The following CEP164 variants were observed in gnomAD, a reference collection of about 807,000 sequenced individuals.
CEP164 encodes centrosomal protein of 164 kDa.
A neutral mutation model predicts 182.7 loss-of-function variants in CEP164; 162 were observed. The ratio of observed to expected loss-of-function variants is 0.89; its 90% confidence interval spans 0.78 to 1.01. CEP164 has a LOEUF of 1.01. CEP164 is among the 50% of genes least tolerant of loss of function. CEP164 has a pLI of 0.00. For synonymous variants in CEP164, 661 were observed against 690.0 expected, an observed-to-expected ratio of 0.96 and a Z score of 0.66; for missense variants, 1,735 against 1,790.4, an observed-to-expected ratio of 0.97 and a Z score of 0.56.
At position 117,370,972 on chromosome 11, in the gene CEP164, C is replaced by T. The variant is rs1592218313; in HGVS notation, c.766-108C>T. The T allele has an allele frequency of 1.6e-5, 19 of 1,176,804 alleles. No individual in the cohort carries two copies. The East Asian group carries it at 4.1e-4, about 25-fold the overall frequency. 72.9% of individuals were successfully genotyped at this position (1,176,804 alleles called of 1,614,324 possible). A position where few individuals can be genotyped will look rare whatever the true frequency, so the allele number is the denominator to read the frequency against. ...GATAACCATTGGGGCAGAACTCAGG[C>T]ACTGGCCTGTGGGAGTCAGGGAATA... is the stretch of plus-strand genomic sequence containing the variant. On this transcript the variant is annotated intron_variant, in intron 8 of 32. Coordinates refer to ENST00000278935, the MANE Select transcript of CEP164 (RefSeq NM_014956.5).
chr11:117,384,094 G>A (rs1018483120), intron 14 of CEP164, among the ~76,000 whole-genome samples: 1 of 152,198 alleles, frequency 6.6e-6, no homozygotes, highest in African/African-American at 2.4e-5. Context: ...TTAGTCTGCA[G>A]CCACTGTTCC....
In CEP164 at chr11:117,412,474, A is replaced by G. The variant is rs2047461339; in HGVS notation, c.*306A>G. On this transcript the variant is annotated 3_prime_UTR_variant, in exon 33 of 33. Coordinates refer to ENST00000278935, the MANE Select transcript of CEP164 (RefSeq NM_014956.5). ...TTGGGAGGAAGGGAGGCGTTAGAGG[A>G]GCTGCCTTCGGAGGCTCAGGGAGTC... 2 of 285,832 alleles carry G rather than the reference A, an allele frequency of 7.0e-6. No individual in the cohort carries two copies. Among genetic ancestry groups the G allele is most frequent in the Non-Finnish European group, 1.3e-5 (2 of 148,922 alleles). The allele number at this position is 285,832 out of a possible 1,614,324, so 17.7% of individuals were successfully genotyped here. A position where few individuals can be genotyped will look rare whatever the true frequency, so the allele number is the denominator to read the frequency against.
At position 117,390,069 on chromosome 11, in the gene CEP164, A is replaced by G. The variant is rs1191974508; in HGVS notation, c.1935-708A>G. 2.0e-5 allele frequency among the ~76,000 whole-genome samples: 3 copies of G among 151,252 alleles called. No individual in the cohort carries two copies. The East Asian group carries it at 5.9e-4, about 29-fold the overall frequency. On this transcript the variant is annotated intron_variant, in intron 15 of 32. Coordinates refer to ENST00000278935, the MANE Select transcript of CEP164 (RefSeq NM_014956.5). ...GCAATTCTCCTGTCTCAGCCTCCCAAGTAGCTGGGATTACAGGTGTGCGCC... is the reference window on the plus strand; with the variant it reads ...GCAATTCTCCTGTCTCAGCCTCCCAGGTAGCTGGGATTACAGGTGTGCGCC...
chr11:117,325,454 C>T (rs532290253), upstream of CEP164, among the ~76,000 whole-genome samples: 200 of 149,410 alleles, frequency 1.3e-3, 1 homozygote, highest in Non-Finnish European at 2.3e-3. Context: ...GGCGAGATCT[C>T]GGCTCACTGC....
intron 4 of CEP164, among the ~76,000 whole-genome samples, chr11:117,345,648 T>C (rs568399959): frequency 9.2e-5 from 14 of 152,220 alleles, no homozygotes; most frequent in African/African-American, 3.1e-4. Context: ...AGAATCACAG[T>C]CCTTCTAGCT....
At position 117,382,787 on chromosome 11, in the gene CEP164, G is replaced by A; in HGVS notation, c.1578-9G>A. 1 of 1,613,468 alleles carries A rather than the reference G, an allele frequency of 6.2e-7. No homozygotes were observed. Among genetic ancestry groups the A allele is most frequent in the Non-Finnish European group, 8.5e-7 (1 of 1,179,754 alleles). On this transcript the variant is annotated splice_polypyrimidine_tract_variant and intron_variant, in intron 13 of 32. Transcript: ENST00000278935. Reference sequence around the variant, plus strand: ...GCTTTAACACAGTTGTTTCCTTACTGCTATCAAGGGAGCAGGCCCCAAGCC... The same window carrying A: ...GCTTTAACACAGTTGTTTCCTTACTACTATCAAGGGAGCAGGCCCCAAGCC...
chr11:117,377,626 G>GT (rs1160767752), intron 11 of CEP164, among the ~76,000 whole-genome samples: 2 of 152,166 alleles, frequency 1.3e-5, no homozygotes, highest in African/African-American at 4.8e-5. Context: ...CCATTTTGCC[G>GT]TATTTTCCAT....
In CEP164 at chr11:117,394,802, G is replaced by A; in HGVS notation, c.2761-118G>A. 9.4e-7 allele frequency: 1 copy of A among 1,069,454 alleles called. No individual in the cohort carries two copies. The highest frequency in any genetic ancestry group is 1.4e-6 in the Non-Finnish European group (1 of 713,294). The allele number at this position is 1,069,454 out of a possible 1,614,324, so 66.2% of individuals were successfully genotyped here. On this transcript the variant is annotated intron_variant, in intron 21 of 32. Coordinates refer to ENST00000278935, the MANE Select transcript of CEP164 (RefSeq NM_014956.5). The surrounding 1 kb of genome is among the most constrained non-coding windows in gnomAD (Gnocchi z 4.0). ...GGAGGCTGCAGGGGCACACAGCGAG[G>A]AAGCCTGAGCCCAGAGTGGAGGTTG...
At chr11:117,405,298 A>C (rs2046550885) in intron 27 of CEP164, among the ~76,000 whole-genome samples, 1 of 152,178 alleles carries the variant, frequency 6.6e-6, no homozygotes, top group African/African-American at 2.4e-5. Flanking sequence ...ACCCGAGGGA[A>C]TCTCCTGGTC....
chr11:117,355,150 C>T (rs887082827), intron 5 of CEP164: 22 of 1,289,752 alleles, frequency 1.7e-5, no homozygotes, highest in Non-Finnish European at 2.2e-5. Flanking sequence ...TCTCCAAAGG[C>T]CAACCTTCCC....
At chr11:117,341,925 T>C (rs937188929) in intron 3 of CEP164, among the ~76,000 whole-genome samples, 4 of 152,088 alleles carry the variant, frequency 2.6e-5, no homozygotes, top group African/African-American at 9.7e-5. Context: ...TTTTTATTAT[T>C]GTTATTATTA....
At chr11:117,399,998 T>C (rs1015109608) in intron 27 of CEP164, among the ~76,000 whole-genome samples, 17 of 152,114 alleles carry the variant, frequency 1.1e-4, no homozygotes, top group Admixed American at 9.8e-4. Flanking sequence ...TAATTAGATC[T>C]CATTTGTCAA....
intron 2 of CEP164, chr11:117,336,658 A>G: frequency 2.0e-6 from 2 of 996,864 alleles, no homozygotes; most frequent in Admixed American, 1.7e-5. Flanking sequence ...CAGCCTTTCC[A>G]CGGCTGCCTG....
At chr11:117,349,810 T>A (rs2039391526) in intron 4 of CEP164, among the ~76,000 whole-genome samples, 4 of 152,238 alleles carry the variant, frequency 2.6e-5, no homozygotes, top group Admixed American at 2.6e-4. Context: ...AGGGTTCTTC[T>A]GTCTACCAGG....
At chr11:117,341,930 T>C (rs184662974) in intron 3 of CEP164, among the ~76,000 whole-genome samples, 1 of 152,226 alleles carries the variant, frequency 6.6e-6, no homozygotes. Context: ...ATTATTGTTA[T>C]TATTATTTTG....
upstream of CEP164, among the ~76,000 whole-genome samples, chr11:117,325,048 G>A (rs187524696): frequency 6.6e-6 from 1 of 152,176 alleles, no homozygotes; most frequent in Non-Finnish European, 1.5e-5. Context: ...TTCCCAGTCT[G>A]GTCCCTTTGG....
intron 28 of CEP164, chr11:117,408,660 C>T (rs1565633314): frequency 3.6e-6 from 2 of 555,236 alleles, no homozygotes; most frequent in East Asian, 3.2e-5. Flanking sequence ...TCAGTTCCCA[C>T]ACATCACAAG....
At chr11:117,341,671 CCTG>C (rs1384039693) in intron 3 of CEP164, among the ~76,000 whole-genome samples, 1 of 151,330 alleles carries the variant, frequency 6.6e-6, no homozygotes, top group Non-Finnish European at 1.5e-5. Context: ...GTCTTGAACT[CCTG>C]GGCTCAAGCA....
intron 27 of CEP164, among the ~76,000 whole-genome samples, chr11:117,400,675 G>A (rs1426292789): frequency 2.0e-5 from 3 of 152,156 alleles, no homozygotes; most frequent in Admixed American, 1.3e-4. Flanking sequence ...GCAGTGGTTT[G>A]TAGTTCCCCT....
Sources: gnomAD v4.1 joint callset for allele counts (sites outside exome capture counted in the v4.1 genomes callset) on GRCh38, gnomAD v4.1.1 for gene constraint, Gnocchi (gnomAD v3.1) non-coding constraint, MANE v1.5 for transcripts, NCBI Gene and HGNC (gene_info 2026-07-23, HGNC 2026-07-21) for gene names.